The following NTM variants were observed in gnomAD, a reference collection of about 807,000 sequenced individuals.
NTM encodes the protein IgLON family member 2.
A neutral mutation model predicts 42.1 loss-of-function variants in NTM; 13 were observed. The ratio of observed to expected loss-of-function variants is 0.31; its 90% CI spans 0.20 to 0.49. The LOEUF is 0.49. NTM is among the 20% of genes least tolerant of loss of function. The probability of loss-of-function intolerance (pLI) is 0.99; values close to 1 mark genes in which losing one functional copy is unlikely to be tolerated. For synonymous variants in NTM, 187 were observed against 179.2 expected (o/e 1.04, Z -0.35); for missense variants, 373 against 452.8 (o/e 0.82, Z 1.60).
At chr11:132,316,330 G>A (rs1309265950) in intron 7 of NTM, among the ~76,000 whole-genome samples, 1 of 152,172 alleles carries the variant, frequency 6.6e-6, no homozygotes. Flanking sequence ...TCATAAATAT[G>A]CTCTTTTCAG....
chr11:131,717,948 C>A (rs1086221), intron 1 of NTM, among the ~76,000 whole-genome samples: 2 of 151,976 alleles, frequency 1.3e-5, no homozygotes, highest in African/African-American at 4.8e-5. Flanking sequence ...CAAATGCTTT[C>A]GTCTTTATTA....
chr11:131,447,773 G>A (rs769093909), intron 1 of NTM, among the ~76,000 whole-genome samples: 2 of 152,126 alleles, frequency 1.3e-5, no homozygotes, highest in East Asian at 1.9e-4. Flanking sequence ...GGAGAGAAGA[G>A]GGGAGACAGA....
chr11:131,531,424 A>G (rs2051265544), intron 1 of NTM, among the ~76,000 whole-genome samples: 1 of 152,214 alleles, frequency 6.6e-6, no homozygotes, highest in African/African-American at 2.4e-5. Context: ...CCGGGATTAC[A>G]GGCATGAACT....
chr11:131,402,259 A>T (rs922867767), intron 1 of NTM, among the ~76,000 whole-genome samples: 2 of 152,054 alleles, frequency 1.3e-5, no homozygotes, highest in Admixed American at 6.6e-5. Flanking sequence ...TTTAGCAATT[A>T]TTGTGGTCTC....
At chr11:131,673,871 C>A (rs2070860448) in intron 1 of NTM, among the ~76,000 whole-genome samples, 1 of 152,168 alleles carries the variant, frequency 6.6e-6, no homozygotes. Flanking sequence ...AAAATAAATT[C>A]ATTTTTGCCC....
At chr11:132,122,483 C>T (rs1260808745) in intron 2 of NTM, among the ~76,000 whole-genome samples, 1 of 152,220 alleles carries the variant, frequency 6.6e-6, no homozygotes, top group African/African-American at 2.4e-5. Flanking sequence ...GCTGCGCCTA[C>T]TGTCAGAGTT....
At chr11:132,001,095 G>A (rs2069122953) in intron 2 of NTM, among the ~76,000 whole-genome samples, 1 of 152,178 alleles carries the variant, frequency 6.6e-6, no homozygotes, top group South Asian at 2.1e-4. Flanking sequence ...ATATTGTGAG[G>A]AGCGTTTGTT....
chr11:131,477,252 A>T (rs1356692499), intron 1 of NTM, among the ~76,000 whole-genome samples: 1 of 152,194 alleles, frequency 6.6e-6, no homozygotes, highest in Non-Finnish European at 1.5e-5. Flanking sequence ...CAGAGATGAA[A>T]AAAAACAGAT....
intron 2 of NTM, among the ~76,000 whole-genome samples, chr11:132,044,810 C>T (rs1175121360): frequency 3.9e-5 from 6 of 152,030 alleles, no homozygotes; most frequent in Non-Finnish European, 8.8e-5. Flanking sequence ...GACACAGGCA[C>T]CCTCCCGAGA....
intron 4 of NTM, among the ~76,000 whole-genome samples, chr11:132,302,552 C>T (rs376513374): frequency 1.6e-4 from 24 of 152,058 alleles, no homozygotes; most frequent in African/African-American, 5.3e-4. Flanking sequence ...TTGAATTCAA[C>T]GTGTTGTTCT....
intron 1 of NTM, chr11:131,538,275 G>A (rs1431727866): frequency 6.6e-6 from 1 of 152,160 alleles, no homozygotes; most frequent in Non-Finnish European, 1.5e-5. Context: ...AAACAATAGT[G>A]CCTCATTTTA....
chr11:131,389,137 C>A (rs1320811668), intron 1 of NTM, among the ~76,000 whole-genome samples: 1 of 152,190 alleles, frequency 6.6e-6, no homozygotes, highest in Non-Finnish European at 1.5e-5. Flanking sequence ...ATGGGCCAGG[C>A]CCTGATTCAC....
At chr11:131,762,339 C>T (rs970552800) in intron 1 of NTM, among the ~76,000 whole-genome samples, 11 of 152,210 alleles carry the variant, frequency 7.2e-5, no homozygotes, top group African/African-American at 2.4e-4. Context: ...TTTTCACCCT[C>T]TTCTGGGGCA....
intron 1 of NTM, among the ~76,000 whole-genome samples, chr11:131,838,205 C>G (rs2043764645): frequency 6.6e-6 from 1 of 152,074 alleles, no homozygotes; most frequent in African/African-American, 2.4e-5. Context: ...GTGTAGACGG[C>G]ACAGGTCCTG....
intron 2 of NTM, among the ~76,000 whole-genome samples, chr11:131,919,189 G>A (rs2056869810): frequency 6.6e-6 from 1 of 151,792 alleles, no homozygotes; most frequent in African/African-American, 2.4e-5. Context: ...AATGGTAATG[G>A]CATGTTTGTT....
rs2044608417 is a variant in NTM, at chr11:131,843,958, C to T, written c.83-67606C>T. 4.6e-5 allele frequency among the ~76,000 whole-genome samples: 7 copies of T among 151,786 alleles called. No individual in the cohort carries two copies. The South Asian group carries it at 1.5e-3, about 32-fold the overall frequency. On this transcript the variant is annotated intron_variant, in intron 1 of 8. Coordinates refer to ENST00000683400, the MANE Select transcript of NTM (RefSeq NM_001352005.2). Reference sequence around the variant, plus strand: ...TGCATTGCAGTTGCAAATTTTTTCTCCCAGCCTGTGTCTCTTGTTTACACT... The same window carrying T: ...TGCATTGCAGTTGCAAATTTTTTCTTCCAGCCTGTGTCTCTTGTTTACACT...
At chr11:132,246,173 G>T (rs1045370923) in intron 4 of NTM, among the ~76,000 whole-genome samples, 6 of 152,186 alleles carry the variant, frequency 3.9e-5, no homozygotes, top group African/African-American at 1.4e-4. Flanking sequence ...TGTTTTCCCA[G>T]AACTAAAGTG....
At chr11:132,207,629 A>G (rs2082189687) in intron 3 of NTM, among the ~76,000 whole-genome samples, 1 of 152,188 alleles carries the variant, frequency 6.6e-6, no homozygotes, top group African/African-American at 2.4e-5. Flanking sequence ...GGTGCCAACA[A>G]GGTTGGGGAC....
At chr11:132,155,924 C>A (rs554453959) in intron 3 of NTM, among the ~76,000 whole-genome samples, 29 of 152,284 alleles carry the variant, frequency 1.9e-4, no homozygotes, top group Middle Eastern at 3.4e-3. Context: ...GCTCTCACAG[C>A]CACTGGAGAG....
Sources: allele counts gnomAD v4.1 joint callset (sites outside exome capture counted in the v4.1 genomes callset), GRCh38; gene constraint gnomAD v4.1.1; transcripts MANE v1.5; gene names NCBI Gene and HGNC (gene_info 2026-07-23, HGNC 2026-07-21).